The following MMP26 variants were observed in gnomAD, a reference collection of about 807,000 sequenced individuals.
MMP26 encodes matrix metallopeptidase 26, also known as matrix metalloproteinase-26.
In MMP26, 33 loss-of-function variants were observed where a neutral mutation model predicts 31.0. The observed-to-expected ratio is 1.06, with a 90% CI of 0.81 to 1.42. The LOEUF is 1.42. Ranked by LOEUF, MMP26 falls within the 40% of genes most tolerant of loss-of-function variation. The probability of loss-of-function intolerance (pLI) is 0.00; values close to 1 mark genes in which losing one functional copy is unlikely to be tolerated. For synonymous variants in MMP26, 122 were observed against 114.9 expected (o/e 1.06, Z -0.40); for missense variants, 347 against 316.1 (o/e 1.10, Z -0.74).
chr11:4,728,563 C>T (rs996214693), intron 1 of MMP26, among the ~76,000 whole-genome samples: 2 of 152,124 alleles, frequency 1.3e-5, no homozygotes, highest in African/African-American at 2.4e-5. Context: ...CCAGTCAGGC[C>T]TCCCTTCTAT....
At chr11:4,953,007 G>A (rs932626176) in intron 2 of MMP26, among the ~76,000 whole-genome samples, 1 of 123,944 alleles carries the variant, frequency 8.1e-6, no homozygotes, top group African/African-American at 2.7e-5. Flanking sequence ...TCAACGAGTG[G>A]GTAAAATGAA....
chr11:4,962,674 G>A lies in MMP26; in HGVS notation c.-144-25394G>A, dbSNP rs1383692599. Among the ~76,000 whole-genome samples the A allele has an allele frequency of 2.0e-5, 3 of 152,122 alleles. No homozygotes were observed. In the East Asian group the frequency reaches 5.8e-4, roughly 29 times the overall value. ...TTTTTCTGTGTTGAAATAGTAATTC[G>A]GGTTTAGCACTTGGTTGATTTCCGA... is the stretch of plus-strand genomic sequence containing the variant. On this transcript the variant is annotated intron_variant, in intron 2 of 7. Transcript: ENST00000380390.
intron 2 of MMP26, among the ~76,000 whole-genome samples, chr11:4,962,042 G>A (rs1846528381): frequency 6.6e-6 from 1 of 151,874 alleles, no homozygotes; most frequent in Non-Finnish European, 1.5e-5. Flanking sequence ...TTTTGTTTTT[G>A]TTTGTTTGTT....
chr11:4,780,084 T>G (rs1168293133), intron 2 of MMP26, among the ~76,000 whole-genome samples: 1 of 152,164 alleles, frequency 6.6e-6, no homozygotes, highest in African/African-American at 2.4e-5. Context: ...AACTTATTAG[T>G]TTGTTGACTA....
At chr11:4,947,393 T>C (rs1194575203) in intron 2 of MMP26, among the ~76,000 whole-genome samples, 1 of 125,504 alleles carries the variant, frequency 8.0e-6, no homozygotes, top group Admixed American at 8.9e-5. Flanking sequence ...TTTCATTTTT[T>C]CCTGTAAAAT....
intron 2 of MMP26, among the ~76,000 whole-genome samples, chr11:4,857,672 C>T (rs2133507555): frequency 6.6e-6 from 1 of 152,272 alleles, no homozygotes; most frequent in East Asian, 1.9e-4. Context: ...ACCATTCCTT[C>T]TGAAACTATT....
chr11:4,987,083 C>G (rs1846912553), intron 2 of MMP26, among the ~76,000 whole-genome samples: 1 of 146,566 alleles, frequency 6.8e-6, no homozygotes, highest in Non-Finnish European at 1.5e-5. Flanking sequence ...AGTTTCACCA[C>G]GTTGGTCAGG....
chr11:4,731,093 C>T (rs900468041), intron 1 of MMP26, among the ~76,000 whole-genome samples: 2 of 152,040 alleles, frequency 1.3e-5, no homozygotes, highest in Admixed American at 1.3e-4. Context: ...TACAGGCGTG[C>T]ACCACCACTC....
chr11:4,859,158 G>T lies in MMP26; in HGVS notation c.-145+91817G>T, dbSNP rs1036207986. 2.6e-5 allele frequency among the ~76,000 whole-genome samples: 4 copies of T among 152,068 alleles called. No homozygotes were observed. In the East Asian group the frequency reaches 7.7e-4, roughly 29 times the overall value. On this transcript the variant is annotated intron_variant, in intron 2 of 7. Coordinates refer to ENST00000380390, the MANE Select transcript of MMP26 (RefSeq NM_021801.5). ...AGGCAATTCCATTCAGGACATAGGC[G>T]TGGGCAAAGACTTCATAACTAAAAC... is the stretch of plus-strand genomic sequence containing the variant.
intron 2 of MMP26, chr11:4,907,475 C>T: frequency 6.2e-7 from 1 of 1,613,960 alleles, no homozygotes; most frequent in South Asian, 1.1e-5. Context: ...CCTCATGTAC[C>T]TGCTTGCCAT....
intron 2 of MMP26, chr11:4,822,187 C>A: frequency 1.2e-6 from 2 of 1,604,430 alleles, no homozygotes; most frequent in Non-Finnish European, 8.5e-7. Flanking sequence ...CTTCTACCTC[C>A]CTCTCATCAG....
intron 1 of MMP26, among the ~76,000 whole-genome samples, chr11:4,738,917 A>C (rs1848277442): frequency 1.3e-5 from 2 of 152,128 alleles, no homozygotes. Flanking sequence ...AAAATAGCCC[A>C]TTTGCTATTG....
At chr11:4,723,807 C>T (rs1263390167) in intron 1 of MMP26, 76 of 1,572,310 alleles carry the variant, frequency 4.8e-5, no homozygotes, top group Non-Finnish European at 6.2e-5. Flanking sequence ...GGAGGCTCCA[C>T]TTGGTCTCCA....
intron 2 of MMP26, chr11:4,871,942 TA>T (rs1388961377): frequency 6.6e-6 from 1 of 152,122 alleles, no homozygotes; most frequent in Non-Finnish European, 1.5e-5. Context: ...GCCCCGTGAC[TA>T]AATGTTGATC....
chr11:4,810,409 G>A (rs750579054), intron 2 of MMP26, among the ~76,000 whole-genome samples: 6 of 152,140 alleles, frequency 3.9e-5, no homozygotes, highest in South Asian at 4.2e-4. Context: ...ATAAGCGTAA[G>A]TGTATATCAA....
At chr11:4,804,395 G>A (rs1849234984) in intron 2 of MMP26, 20 of 1,586,338 alleles carry the variant, frequency 1.3e-5, no homozygotes, top group Non-Finnish European at 1.7e-5. Flanking sequence ...TGGTTAATAT[G>A]GTCTCTGCTG....
Position 4,759,135 on chromosome 11 carries a change from A to AAAG in MMP26, c.-216-8135_-216-8134insAAG, listed in dbSNP as rs1262302875. Reference sequence around the variant, plus strand: ...TCAAAAAAAAAAAAAAAAAAAAAAAAGACAAAAAATTTGGCAAAAATAATT... The same window carrying AAAG: ...TCAAAAAAAAAAAAAAAAAAAAAAAAAAGGACAAAAAATTTGGCAAAAATAATT... On this transcript the variant is annotated intron_variant, in intron 1 of 7. Coordinates refer to ENST00000380390, the MANE Select transcript of MMP26 (RefSeq NM_021801.5). 1.6e-3 allele frequency among the ~76,000 whole-genome samples: 227 copies of AAAG among 143,520 alleles called. 3 individuals carry two copies. Among genetic ancestry groups the AAAG allele is most frequent in the African/African-American group, 5.9e-3 (221 of 37,324 alleles). 94.2% of individuals were successfully genotyped at this position (143,520 alleles called of 152,430 possible). A position where few individuals can be genotyped will look rare whatever the true frequency, so the allele number is the denominator to read the frequency against.
At chr11:4,790,326 G>T (rs1251264378) in intron 2 of MMP26, among the ~76,000 whole-genome samples, 1 of 152,102 alleles carries the variant, frequency 6.6e-6, no homozygotes, top group Non-Finnish European at 1.5e-5. Flanking sequence ...TCCAGCCTGG[G>T]CAACAGAGTG....
Position 4,990,737 on chromosome 11 carries a change from T to C in MMP26, c.460T>C (p.Trp154Arg). The change falls in exon 5 of 8, where the codon TGG becomes CGG. Residue 154 changes from tryptophan to arginine, a missense_variant. Transcript: ENST00000380390. ...AGATGCAGACATCAAGGTTTCTTTC[T>C]GGCAGTGGGGTAAGAAATTGACATG... Reference protein sequence around the residue: ...NGDADIKVSFWQWAHEDGWPF... With the variant: ...NGDADIKVSFRQWAHEDGWPF... 6.2e-7 allele frequency: 1 copy of C among 1,614,078 alleles called. No individual in the cohort carries two copies. The highest frequency in any genetic ancestry group is 1.3e-5 in the African/African-American group (1 of 75,062).
Sources: gnomAD v4.1 joint callset for allele counts (sites outside exome capture counted in the v4.1 genomes callset) on GRCh38, gnomAD v4.1.1 for gene constraint, MANE v1.5 for transcripts, NCBI Gene and HGNC (gene_info 2026-07-23, HGNC 2026-07-21) for gene names.